Variants in XIRP2 observed in about 807,000 individuals in gnomAD.
XIRP2 encodes xin actin binding repeat containing 2, also known as xin actin-binding repeat-containing protein 2.
In XIRP2, 236 loss-of-function variants were observed where a neutral mutation model predicts 277.0. The ratio of observed to expected loss-of-function variants is 0.85; its 90% CI spans 0.77 to 0.95. The LOEUF (loss-of-function observed/expected upper bound fraction) is 0.95. XIRP2 is among the 40% of genes least tolerant of loss of function. The pLI is 0.00. For synonymous variants in XIRP2, 1,490 were observed against 1,416.5 expected, an observed-to-expected ratio of 1.05 and a Z score of -1.17; for missense variants, 4,640 against 4,157.5, an observed-to-expected ratio of 1.12 and a Z score of -3.19.
intron 2 of XIRP2, among the ~76,000 whole-genome samples, chr2:167,044,307 G>A (rs570311006): frequency 3.4e-4 from 52 of 152,100 alleles, no homozygotes; most frequent in African/African-American, 1.2e-3. Context: ...CAAACCAACA[G>A]TCAACATCCT....
chr2:166,924,003 G>T (rs895802518), intron 2 of XIRP2, among the ~76,000 whole-genome samples: 10 of 152,020 alleles, frequency 6.6e-5, no homozygotes, highest in Non-Finnish European at 2.9e-5. Flanking sequence ...ATATGGCTCA[G>T]CAGGTTCAGA....
chr2:166,957,804 C>A (rs554397395), intron 2 of XIRP2, among the ~76,000 whole-genome samples: 27 of 151,762 alleles, frequency 1.8e-4, no homozygotes, highest in Non-Finnish European at 3.8e-4. Context: ...CTTTTTATGT[C>A]ATTGATTTTC....
At chr2:166,910,544 C>T (rs57247266) in intron 2 of XIRP2, among the ~76,000 whole-genome samples, 1,845 of 151,940 alleles carry the variant, frequency 0.012, 38 homozygotes, top group African/African-American at 0.042. Flanking sequence ...TCAATTTTGT[C>T]GATCCTTTCA....
intron 2 of XIRP2, among the ~76,000 whole-genome samples, chr2:166,998,004 TAAG>T (rs1300591171): frequency 1.3e-5 from 2 of 152,132 alleles, no homozygotes; most frequent in African/African-American, 4.8e-5. Context: ...AGTTACAATT[TAAG>T]AAGTAGAGAG....
chr2:167,247,572 C>T lies in XIRP2; in HGVS notation c.6180C>T (p.Asp2060=). The T allele has an allele frequency of 1.2e-6, 2 of 1,613,644 alleles. No individual in the cohort carries two copies. The highest frequency in any genetic ancestry group is 1.7e-4 in the Middle Eastern group (1 of 6,054). ...HHKSNVLESG[D]KTGVWTDTTG... ...AATCTAATGTTTTGGAATCAGGAGA[C>T]AAAACGGGTGTCTGGACTGATACTA... is the stretch of plus-strand genomic sequence containing the variant. The change falls in exon 9 of 11, where the codon GAC becomes GAT. Residue 2060 remains aspartate, a synonymous_variant. Coordinates refer to ENST00000409195, the MANE Select transcript of XIRP2 (RefSeq NM_152381.6).
chr2:167,165,781 C>T (rs1182865132), intron 3 of XIRP2, among the ~76,000 whole-genome samples: 4 of 152,154 alleles, frequency 2.6e-5, no homozygotes, highest in Non-Finnish European at 4.4e-5. Context: ...TTCTCCCAGG[C>T]CATGGCTTGC....
chr2:166,910,489 T>C (rs1241169456), intron 2 of XIRP2, among the ~76,000 whole-genome samples: 1 of 152,202 alleles, frequency 6.6e-6, no homozygotes, highest in Non-Finnish European at 1.5e-5. Context: ...GGCATCTATT[T>C]GATTCTTCTC....
chr2:167,068,223 G>A (rs756591306), intron 2 of XIRP2, among the ~76,000 whole-genome samples: 12 of 151,932 alleles, frequency 7.9e-5, no homozygotes, highest in Non-Finnish European at 1.6e-4. Context: ...CTAGAATTCC[G>A]TTTGATTATT....
Position 167,145,424 on chromosome 2 carries a change from CT to C in XIRP2, c.562+9366del, listed in dbSNP as rs763689751. Among the ~76,000 whole-genome samples the C allele has an allele frequency of 1.6e-4, 25 of 152,250 alleles. No homozygotes were observed. In the South Asian group the frequency reaches 2.3e-3, roughly 14 times the overall value. On this transcript the variant is annotated intron_variant, in intron 3 of 10. Transcript: ENST00000409195. ...AAAGAAGTCATTGGGAAAAAATTTA[CT>C]TTTCAGAGCTGAAAGAATATATAGT...
chr2:166,978,793 C>A (rs539970364), intron 2 of XIRP2, among the ~76,000 whole-genome samples: 1 of 152,152 alleles, frequency 6.6e-6, no homozygotes, highest in South Asian at 2.1e-4. Context: ...CCAGCCTGGG[C>A]AACACAGTGA....
chr2:167,062,434 TTTTG>T (rs1689193250), intron 2 of XIRP2, among the ~76,000 whole-genome samples: 1 of 152,136 alleles, frequency 6.6e-6, no homozygotes, highest in African/African-American at 2.4e-5. Context: ...TGTTTAAAAG[TTTTG>T]TTTGTTTCCT....
intron 5 of XIRP2, among the ~76,000 whole-genome samples, chr2:167,226,821 G>A (rs1018664509): frequency 1.2e-4 from 19 of 152,158 alleles, no homozygotes; most frequent in African/African-American, 4.1e-4. Flanking sequence ...CCAAGCTTCC[G>A]AAACATCACC....
chr2:166,896,493 TAAA>T (rs200125210), intron 1 of XIRP2, among the ~76,000 whole-genome samples: 1 of 142,494 alleles, frequency 7.0e-6, no homozygotes, highest in Admixed American at 7.0e-5. Flanking sequence ...TTTTAAAAAG[TAAA>T]AAAAAAAGAA....
At chr2:167,189,426 G>A (rs1223005558) in intron 3 of XIRP2, among the ~76,000 whole-genome samples, 2 of 152,154 alleles carry the variant, frequency 1.3e-5, no homozygotes, top group Non-Finnish European at 2.9e-5. Context: ...TTGATTGAAC[G>A]ATCTGTGAAG....
chr2:167,251,304 C>T lies in XIRP2; in HGVS notation c.9912C>T (p.Arg3304=). Residue 3304 remains arginine (R), a synonymous_variant, in exon 9 of 11, where the codon CGC becomes CGT. Coordinates refer to ENST00000409195, the MANE Select transcript of XIRP2 (RefSeq NM_152381.6). ...TCCGCAAGGTTGCAGTGCCTCCTCG[C>T]CTGTCAGAGCACACACAGAGATATG... is the stretch of plus-strand genomic sequence containing the variant. ...EIIRKVAVPP[R]LSEHTQRYEA... 1 of 1,613,570 alleles carries T rather than the reference C, an allele frequency of 6.2e-7. No individual in the cohort carries two copies. The highest frequency in any genetic ancestry group is 8.5e-7 in the Non-Finnish European group (1 of 1,179,694).
At chr2:166,950,561 TA>T (rs1224299700) in intron 2 of XIRP2, among the ~76,000 whole-genome samples, 1 of 152,104 alleles carries the variant, frequency 6.6e-6, no homozygotes, top group Non-Finnish European at 1.5e-5. Context: ...GAATAAAATC[TA>T]AATTGTATTA....
chr2:166,891,399 G>A (rs917403965), intron 1 of XIRP2, among the ~76,000 whole-genome samples: 2 of 152,126 alleles, frequency 1.3e-5, no homozygotes, highest in Non-Finnish European at 2.9e-5. Context: ...AATGTACTAT[G>A]TTAGCTACAT....
Position 167,250,063 on chromosome 2 carries a change from A to G in XIRP2, c.8671A>G (p.Asn2891Asp), listed in dbSNP as rs960063950. Reference sequence around the variant, plus strand: ...ACATAAAAAATTGCCCCAGCCATATAATAGTCTGCAGGAAGAAAAATGTCT... The same window carrying G: ...ACATAAAAAATTGCCCCAGCCATATGATAGTCTGCAGGAAGAAAAATGTCT... ...AEHKKLPQPY[N>D]SLQEEKCLEV... The change falls in exon 9 of 11, where the codon AAT becomes GAT. Residue 2891 changes from asparagine (N) to aspartate (D), a missense_variant. Coordinates refer to ENST00000409195, the MANE Select transcript of XIRP2 (RefSeq NM_152381.6). 1.2e-6 allele frequency: 2 copies of G among 1,613,630 alleles called. No individual in the cohort carries two copies. The highest frequency in any genetic ancestry group is 2.2e-5 in the South Asian group (2 of 91,078).
At chr2:166,997,264 T>A (rs1291132538) in intron 2 of XIRP2, among the ~76,000 whole-genome samples, 1 of 152,354 alleles carries the variant, frequency 6.6e-6, no homozygotes, top group Admixed American at 6.5e-5. Flanking sequence ...CATAACTCTT[T>A]AGACTGTCAT....
Sources: allele counts gnomAD v4.1 joint callset (sites outside exome capture counted in the v4.1 genomes callset), GRCh38; gene constraint gnomAD v4.1.1; transcripts MANE v1.5; gene names NCBI Gene and HGNC (gene_info 2026-07-23, HGNC 2026-07-21).